Variants in FAAH2 observed in about 807,000 individuals in gnomAD.
FAAH2 encodes fatty acid amide hydrolase 2, also known as fatty-acid amide hydrolase 2.
Under a neutral mutation model 36.9 loss-of-function variants are expected in FAAH2, and 60 were observed. The observed-to-expected ratio is 1.63, with a 90% CI of 1.32 to 2.02. The LOEUF is 2.02. Among genes scored for constraint, FAAH2 ranks in the 30% most tolerant of loss-of-function variants. The pLI is 0.00. For synonymous variants in FAAH2, 214 were observed against 143.8 expected, an observed-to-expected ratio of 1.49 and a Z score of -3.49; for missense variants, 689 against 397.5, an observed-to-expected ratio of 1.73 and a Z score of -6.23.
chrX:57,244,578 C>T, the FAAH2 span, among the ~76,000 whole-genome samples: 1 of 111,814 alleles, frequency 8.9e-6, no homozygotes, highest in Non-Finnish European at 1.9e-5. Flanking sequence ...CAATATTCAA[C>T]ATTCTTAAAT....
the FAAH2 span, among the ~76,000 whole-genome samples, chrX:57,238,942 C>T: frequency 8.9e-6 from 1 of 111,924 alleles, no homozygotes; most frequent in Non-Finnish European, 1.9e-5. Context: ...CCAGTTGTAT[C>T]CATTTCACTG....
chrX:57,186,446 T>C, the FAAH2 span, among the ~76,000 whole-genome samples: 2 of 112,095 alleles, frequency 1.8e-5, no homozygotes, highest in Non-Finnish European at 3.8e-5. Context: ...AAGTTCCTTT[T>C]AGATTCTTGA....
At chrX:57,418,251 T>C (rs1401670223) in intron 7 of FAAH2, among the ~76,000 whole-genome samples, 2 of 111,608 alleles carry the variant, frequency 1.8e-5, no homozygotes, top group East Asian at 5.6e-4. Context: ...TCTGTTTTCC[T>C]AGTGTTCCAG....
chrX:57,368,069 A>G (rs2054462372), intron 5 of FAAH2, among the ~76,000 whole-genome samples: 1 of 110,726 alleles, frequency 9.0e-6, no homozygotes, highest in African/African-American at 3.3e-5. Context: ...TACTCAGCCA[A>G]ACTATTATGG....
chrX:57,128,518 G>C, the FAAH2 span, among the ~76,000 whole-genome samples: 1 of 111,259 alleles, frequency 9.0e-6, no homozygotes, highest in Admixed American at 9.6e-5. Context: ...GATAGTCATG[G>C]AAACTTAAAG....
chrX:57,254,117 G>C, the FAAH2 span, among the ~76,000 whole-genome samples: 1 of 109,669 alleles, frequency 9.1e-6, no homozygotes, highest in African/African-American at 3.3e-5. Context: ...AAAAAGGCAA[G>C]GGGTGCAATC....
intron 4 of FAAH2, among the ~76,000 whole-genome samples, chrX:57,335,028 C>T (rs1170582650): frequency 9.0e-6 from 1 of 111,584 alleles, no homozygotes; most frequent in African/African-American, 3.3e-5. Context: ...ACTCTCCACC[C>T]CCAAACAATA....
At chrX:57,248,021 A>G in the FAAH2 span, among the ~76,000 whole-genome samples, 578 of 112,319 alleles carry the variant, frequency 5.1e-3, 3 homozygotes, top group African/African-American at 0.018. Context: ...TGAGTCAAAC[A>G]CGCATGAACA....
At chrX:57,311,717 C>T (rs897289065) in intron 3 of FAAH2, among the ~76,000 whole-genome samples, 1 of 112,340 alleles carries the variant, frequency 8.9e-6, no homozygotes, top group Non-Finnish European at 1.9e-5. Flanking sequence ...AGCATCCATG[C>T]CTAGCTACTC....
rs765481299 is a variant in FAAH2, at chrX:57,416,341, G to T, written c.997-15577G>T. On this transcript the variant is annotated intron_variant, in intron 7 of 10. Transcript: ENST00000374900. The stretch of plus-strand genomic sequence containing the variant: ...TAGTATTGATGGTCTTTACAATTTT[G>T]TATTTTTTTTTGCAGTGGCTGGTAC... 4.5e-5 allele frequency among the ~76,000 whole-genome samples: 5 copies of T among 111,048 alleles called. No individual in the cohort carries two copies. The Admixed American group carries it at 4.8e-4, about 11-fold the overall frequency.
intron 10 of FAAH2, among the ~76,000 whole-genome samples, chrX:57,454,195 C>T (rs2056831936): frequency 8.9e-6 from 1 of 111,932 alleles, no homozygotes; most frequent in South Asian, 3.7e-4. Flanking sequence ...GGTCAAAATG[C>T]AAACCTAAAA....
chrX:57,313,433 G>A (rs1243986064), intron 3 of FAAH2, among the ~76,000 whole-genome samples: 4 of 108,522 alleles, frequency 3.7e-5, no homozygotes, highest in African/African-American at 6.7e-5. Context: ...AAGGAACATA[G>A]TAATCAGATT....
At chrX:57,361,582 T>C (rs759808157) in intron 5 of FAAH2, among the ~76,000 whole-genome samples, 3 of 111,782 alleles carry the variant, frequency 2.7e-5, no homozygotes, top group African/African-American at 9.7e-5. Context: ...TTTCATGTAT[T>C]TGTTTAGTCT....
At chrX:57,160,738 G>A in the FAAH2 span, among the ~76,000 whole-genome samples, 2 of 111,099 alleles carry the variant, frequency 1.8e-5, no homozygotes, top group Non-Finnish European at 3.8e-5. Context: ...TCCTTTAATA[G>A]TCTTGCTTCT....
the FAAH2 span, among the ~76,000 whole-genome samples, chrX:57,127,951 T>A: frequency 4.5e-5 from 5 of 112,196 alleles, no homozygotes; most frequent in Non-Finnish European, 9.4e-5. Flanking sequence ...CTATATATAT[T>A]TCTAAAACAT....
intron 7 of FAAH2, chrX:57,394,965 A>T: frequency 5.1e-6 from 3 of 582,911 alleles, no homozygotes; most frequent in Non-Finnish European, 6.2e-6. Context: ...AGTTCCAAGC[A>T]TCCTTTAGGC....
At chrX:57,252,722 C>A in the FAAH2 span, among the ~76,000 whole-genome samples, 1 of 112,242 alleles carries the variant, frequency 8.9e-6, no homozygotes. Flanking sequence ...GCATCAACAT[C>A]AACAAAAGGA....
chrX:57,167,046 C>T, the FAAH2 span, among the ~76,000 whole-genome samples: 8 of 111,466 alleles, frequency 7.2e-5, no homozygotes, highest in Admixed American at 3.8e-4. Context: ...ACAGTGTAGG[C>T]GCTATATAGA....
chrX:57,149,231 G>A, the FAAH2 span, among the ~76,000 whole-genome samples: 5 of 111,317 alleles, frequency 4.5e-5, no homozygotes, highest in African/African-American at 1.6e-4. Flanking sequence ...TTTTGGTTGT[G>A]TCTCTGCCCG....
Sources: allele counts gnomAD v4.1 joint callset (sites outside exome capture counted in the v4.1 genomes callset), GRCh38; gene constraint gnomAD v4.1.1; transcripts MANE v1.5; gene names NCBI Gene and HGNC (gene_info 2026-07-23, HGNC 2026-07-21).